Variants in PKP2 observed in about 807,000 individuals in gnomAD.
PKP2 encodes the protein plakophilin-2.
PKP2 carries 73 observed loss-of-function variants against 83.4 expected under a neutral mutation model. That is an observed-to-expected ratio of 0.88 (90% confidence interval 0.72 to 1.06). The LOEUF (loss-of-function observed/expected upper bound fraction) is 1.06, where lower values mean the gene tolerates loss of function less well. Among genes scored for constraint, PKP2 ranks in the 50% least tolerant of loss-of-function variants. The pLI is 0.00. For missense variants in PKP2, 966 were observed against 1,065.4 expected (o/e 0.91, Z 1.30); for synonymous variants, 409 against 430.4 (o/e 0.95, Z 0.62).
intron 3 of PKP2, among the ~76,000 whole-genome samples, chr12:32,870,776 T>A (rs1229641620): frequency 6.6e-6 from 1 of 152,132 alleles, no homozygotes; most frequent in African/African-American, 2.4e-5. Flanking sequence ...ATGCAGCTTT[T>A]TTTTTAAAAA....
intron 1 of PKP2, among the ~76,000 whole-genome samples, chr12:32,889,457 AT>A (rs1445531514): frequency 6.6e-6 from 1 of 152,162 alleles, no homozygotes; most frequent in East Asian, 1.9e-4. Context: ...TTCCAAAGAG[AT>A]TTTGACAGAA....
rs941546070 is a variant in PKP2, at chr12:32,791,879, G to C, written c.*545C>G. 6.1e-6 allele frequency: 1 copy of C among 163,048 alleles called. No homozygotes were observed. The highest frequency in any genetic ancestry group is 2.4e-5 in the African/African-American group (1 of 41,384). The allele number at this position is 163,048 out of a possible 1,614,324, so 10.1% of individuals were successfully genotyped here. ...AAAATCAGAGAAAAACAACCCAAGG[G>C]GATAAAAACAAGCACAAAGTAAAGA... On this transcript the variant is annotated 3_prime_UTR_variant, in exon 13 of 13. Coordinates refer to ENST00000340811, the MANE Select transcript of PKP2 (RefSeq NM_001005242.3).
intron 4 of PKP2, among the ~76,000 whole-genome samples, chr12:32,865,231 C>T (rs1463198876): frequency 1.3e-5 from 2 of 151,270 alleles, no homozygotes; most frequent in East Asian, 2.0e-4. Context: ...AAAAATTAGC[C>T]GGGTGTGGTG....
intron 9 of PKP2, chr12:32,820,836 A>G (rs1340568722): frequency 5.7e-6 from 1 of 176,574 alleles, no homozygotes; most frequent in Non-Finnish European, 1.2e-5. Context: ...CGTGAGACAT[A>G]TTCTCCAACT....
At position 32,791,995 on chromosome 12, in the gene PKP2, T is replaced by C; in HGVS notation, c.*429A>G. 2 of 287,346 alleles carry C rather than the reference T, an allele frequency of 7.0e-6. No individual in the cohort carries two copies. Among genetic ancestry groups the C allele is most frequent in the South Asian group, 7.2e-5 (2 of 27,620 alleles). The allele number at this position is 287,346 out of a possible 1,614,324, so 17.8% of individuals were successfully genotyped here. Reference sequence around the variant, plus strand: ...ATTCTGTTTCAACACTGCAGAACAATACACTGGAGGCCCAATGGCGAAGCA... The same window carrying C: ...ATTCTGTTTCAACACTGCAGAACAACACACTGGAGGCCCAATGGCGAAGCA... On this transcript the variant is annotated 3_prime_UTR_variant, in exon 13 of 13. Coordinates refer to ENST00000340811, the MANE Select transcript of PKP2 (RefSeq NM_001005242.3).
chr12:32,880,115 A>T (rs188728261), intron 1 of PKP2, among the ~76,000 whole-genome samples: 2 of 151,636 alleles, frequency 1.3e-5, no homozygotes, highest in East Asian at 3.9e-4. Flanking sequence ...TATAAACAAC[A>T]GGATAGGCCG....
At chr12:32,860,997 C>T (rs1477532343) in intron 4 of PKP2, among the ~76,000 whole-genome samples, 1 of 151,956 alleles carries the variant, frequency 6.6e-6, no homozygotes, top group African/African-American at 2.4e-5. Context: ...CACTGCACTC[C>T]AGCCTGGGTG....
At position 32,810,946 on chromosome 12, in the gene PKP2, G is replaced by C. The variant is rs1420293586; in HGVS notation, c.2014-8390C>G. 6.2e-4 allele frequency among the ~76,000 whole-genome samples: 4 copies of C among 6,460 alleles called. 2 individuals are homozygous for C. Among genetic ancestry groups the C allele is most frequent in the African/African-American group, 8.7e-4 (4 of 4,584 alleles). 4.2% of individuals were successfully genotyped at this position (6,460 alleles called of 152,430 possible). On this transcript the variant is annotated intron_variant, in intron 9 of 12. Coordinates refer to ENST00000340811, the MANE Select transcript of PKP2 (RefSeq NM_001005242.3). ...TCCGCCCGCCTCGGCCTCCCAAAGT[G>C]CTGGGATTACAGGCGTGAGCCACCG...
At chr12:32,842,837 G>T (rs1219368905) in intron 5 of PKP2, among the ~76,000 whole-genome samples, 1 of 151,486 alleles carries the variant, frequency 6.6e-6, no homozygotes, top group Non-Finnish European at 1.5e-5. Context: ...ACCATGCCTG[G>T]CTAATTTTTG....
intron 4 of PKP2, among the ~76,000 whole-genome samples, chr12:32,851,614 G>A (rs539381421): frequency 3.6e-4 from 55 of 152,098 alleles, no homozygotes; most frequent in African/African-American, 1.2e-3. Flanking sequence ...GACTACAGGC[G>A]CCCGCCACCA....
At chr12:32,794,633 T>A (rs564670643) in intron 11 of PKP2, among the ~76,000 whole-genome samples, 5 of 152,370 alleles carry the variant, frequency 3.3e-5, no homozygotes, top group African/African-American at 1.2e-4. Flanking sequence ...ACTCGAATAA[T>A]GAGCATCATA....
chr12:32,810,265 C>G (rs1956265215), intron 9 of PKP2, among the ~76,000 whole-genome samples: 1 of 152,172 alleles, frequency 6.6e-6, no homozygotes, highest in Non-Finnish European at 1.5e-5. Context: ...GCCTTGTTAT[C>G]AATGTTAGAA....
At chr12:32,805,403 C>G (rs1472230764) in intron 9 of PKP2, among the ~76,000 whole-genome samples, 1 of 152,094 alleles carries the variant, frequency 6.6e-6, no homozygotes, top group East Asian at 1.9e-4. Context: ...AATGGTATTG[C>G]CTAGATTTTC....
At position 32,883,111 on chromosome 12, in the gene PKP2, C is replaced by G. The variant is rs550904040; in HGVS notation, c.224-4079G>C. 3.3e-5 allele frequency among the ~76,000 whole-genome samples: 5 copies of G among 152,178 alleles called. No individual in the cohort carries two copies. In the East Asian group the frequency reaches 9.6e-4, roughly 29 times the overall value. ...ATGAACTGAGGCTGTTTTAATGGTTCGCCAAATAACTACAAAGTAGTTGGA... is the reference window on the plus strand; with the variant it reads ...ATGAACTGAGGCTGTTTTAATGGTTGGCCAAATAACTACAAAGTAGTTGGA... On this transcript the variant is annotated intron_variant, in intron 1 of 12. Transcript: ENST00000340811.
chr12:32,812,770 C>T (rs6488095), intron 9 of PKP2, among the ~76,000 whole-genome samples: 106,007 of 151,852 alleles, frequency 0.7, 38,807 homozygotes, highest in East Asian at 0.86. Flanking sequence ...TCCCAAAGTG[C>T]TGGGATTACA....
At chr12:32,855,089 A>G (rs1956733721) in intron 4 of PKP2, among the ~76,000 whole-genome samples, 1 of 152,260 alleles carries the variant, frequency 6.6e-6, no homozygotes, top group Non-Finnish European at 1.5e-5. Context: ...GGCAAGTGGC[A>G]ATATGTGTCA....
rs11431590 is a variant in PKP2 at position 32,855,773 on chromosome 12, C to CAAAAAAAAAAAAAAAA, written c.1171-4816_1171-4801dup. 6.2e-3 allele frequency among the ~76,000 whole-genome samples: 292 copies of CAAAAAAAAAAAAAAAA among 46,812 alleles called. 20 individuals are homozygous for CAAAAAAAAAAAAAAAA. The highest frequency in any genetic ancestry group is 0.029 in the African/African-American group (273 of 9,400). The allele number at this position is 46,812 out of a possible 152,430, so 30.7% of individuals were successfully genotyped here. ...CCTGGGCGACAGAGAGACTCCATCT[C>CAAAAAAAAAAAAAAAA]AAAAAAAAAAAAAAAAAAAAAAGGA... is the stretch of plus-strand genomic sequence containing the variant. On this transcript the variant is annotated intron_variant, in intron 4 of 12. Transcript: ENST00000340811.
chr12:32,828,048 T>G (rs1363821608), intron 6 of PKP2, among the ~76,000 whole-genome samples: 1 of 152,236 alleles, frequency 6.6e-6, no homozygotes. Context: ...CAGGAATTAT[T>G]TGGAGTTCTT....
At position 32,825,293 on chromosome 12, in the gene PKP2, C is replaced by T. The variant is rs751109626; in HGVS notation, c.1557-1131G>A. ...AAGCGATTCTCCTGCCTCAGCCTCC[C>T]GAGTAGCTGGGACTACAGGCGTGCG... On this transcript the variant is annotated intron_variant, in intron 6 of 12. Coordinates refer to ENST00000340811, the MANE Select transcript of PKP2 (RefSeq NM_001005242.3). Among the ~76,000 whole-genome samples the T allele has an allele frequency of 5.1e-4, 77 of 151,482 alleles. 1 individual carries two copies. The highest frequency in any genetic ancestry group is 9.3e-4 in the Non-Finnish European group (63 of 67,912).
Sources: allele counts gnomAD v4.1 joint callset (sites outside exome capture counted in the v4.1 genomes callset), GRCh38; gene constraint gnomAD v4.1.1; transcripts MANE v1.5; gene names NCBI Gene and HGNC (gene_info 2026-07-23, HGNC 2026-07-21).